Variants in SH3GL2 observed in about 807,000 individuals in gnomAD.
SH3GL2 encodes endophilin-A1.
In SH3GL2, 24 loss-of-function variants were observed where a neutral mutation model predicts 46.0. The ratio of observed to expected loss-of-function variants is 0.52; its 90% CI spans 0.38 to 0.73. SH3GL2 has a LOEUF of 0.73. Among genes scored for constraint, SH3GL2 ranks in the 30% least tolerant of loss-of-function variants. SH3GL2 has a pLI of 0.00. For synonymous variants in SH3GL2, 196 were observed against 147.1 expected (o/e 1.33, Z -2.40); for missense variants, 413 against 424.2 (o/e 0.97, Z 0.23).
chr9:17,736,760 A>C (rs780999017), intron 1 of SH3GL2, among the ~76,000 whole-genome samples: 7 of 152,224 alleles, frequency 4.6e-5, no homozygotes, highest in Admixed American at 2.0e-4. Context: ...CCTTGAATGG[A>C]TGGAAAAAAA....
At chr9:17,760,925 C>T (rs1823151705) in intron 2 of SH3GL2, among the ~76,000 whole-genome samples, 1 of 152,092 alleles carries the variant, frequency 6.6e-6, no homozygotes, top group Admixed American at 6.6e-5. Flanking sequence ...ACTCTAGCAT[C>T]AAGATTTTTG....
At chr9:17,757,558 G>A (rs1001226010) in intron 2 of SH3GL2, among the ~76,000 whole-genome samples, 1 of 152,160 alleles carries the variant, frequency 6.6e-6, no homozygotes, top group Non-Finnish European at 1.5e-5. Context: ...CCAATCCCAG[G>A]CAAGGTTAGT....
At chr9:17,608,278 T>C (rs960910203) in intron 1 of SH3GL2, among the ~76,000 whole-genome samples, 1 of 151,498 alleles carries the variant, frequency 6.6e-6, no homozygotes, top group East Asian at 2.0e-4. Flanking sequence ...CTCCCGAGTA[T>C]CTGGGACTAC....
At chr9:17,731,317 T>C (rs1213659588) in intron 1 of SH3GL2, among the ~76,000 whole-genome samples, 1 of 150,540 alleles carries the variant, frequency 6.6e-6, no homozygotes, top group Non-Finnish European at 1.5e-5. Context: ...CCTTGGGAGG[T>C]GTTTAAAGTT....
At chr9:17,681,164 G>C (rs1043538155) in intron 1 of SH3GL2, among the ~76,000 whole-genome samples, 1 of 152,072 alleles carries the variant, frequency 6.6e-6, no homozygotes, top group Non-Finnish European at 1.5e-5. Context: ...GGAAAAAATA[G>C]GAAGAAGCTT....
At chr9:17,791,206 G>A (rs746571786) in intron 6 of SH3GL2, 25 bp from the exon 7 acceptor site, 1 of 1,546,240 alleles carries the variant, frequency 6.5e-7, no homozygotes, top group East Asian at 2.2e-5. Context: ...TAAAACTAAG[G>A]CATGATTTTC....
intron 1 of SH3GL2, among the ~76,000 whole-genome samples, chr9:17,698,314 A>G (rs1052175871): frequency 2.0e-5 from 3 of 152,170 alleles, no homozygotes; most frequent in Non-Finnish European, 2.9e-5. Flanking sequence ...CCATATTGTC[A>G]GTGATTAGTG....
intron 1 of SH3GL2, among the ~76,000 whole-genome samples, chr9:17,665,511 T>C (rs1307202524): frequency 1.3e-5 from 2 of 152,178 alleles, no homozygotes; most frequent in African/African-American, 4.8e-5. Flanking sequence ...GTTTATTTGC[T>C]TATTTATTCA....
At chr9:17,615,064 A>G (rs1384528802) in intron 1 of SH3GL2, among the ~76,000 whole-genome samples, 1 of 152,092 alleles carries the variant, frequency 6.6e-6, no homozygotes, top group Non-Finnish European at 1.5e-5. Context: ...GACCCCTCCC[A>G]ACTGCTGTGG....
chr9:17,618,793 T>G (rs1021659192), intron 1 of SH3GL2, among the ~76,000 whole-genome samples: 12 of 149,484 alleles, frequency 8.0e-5, no homozygotes, highest in Non-Finnish European at 1.5e-4. Flanking sequence ...TTGGCTTATT[T>G]TGTGTGTGTG....
intron 1 of SH3GL2, among the ~76,000 whole-genome samples, chr9:17,598,524 C>T (rs530098438): frequency 3.3e-5 from 5 of 152,268 alleles, no homozygotes; most frequent in South Asian, 2.1e-4. Flanking sequence ...TGCAGAGTTG[C>T]GGGCCAAGGG....
intron 1 of SH3GL2, among the ~76,000 whole-genome samples, chr9:17,716,289 GC>G (rs1416093165): frequency 6.6e-6 from 1 of 152,064 alleles, no homozygotes; most frequent in Non-Finnish European, 1.5e-5. Context: ...GACTTAGGGG[GC>G]TGGATGTTTT....
chr9:17,707,522 G>T (rs1821502307), intron 1 of SH3GL2, among the ~76,000 whole-genome samples: 1 of 151,988 alleles, frequency 6.6e-6, no homozygotes, highest in African/African-American at 2.4e-5. Flanking sequence ...TTACTGTGCT[G>T]TACTAACTTT....
chr9:17,713,899 G>T (rs1472902194), intron 1 of SH3GL2, among the ~76,000 whole-genome samples: 3 of 151,640 alleles, frequency 2.0e-5, no homozygotes, highest in South Asian at 2.1e-4. Flanking sequence ...AGTCAGTGTG[G>T]TTGATAGGAT....
chr9:17,694,388 G>C (rs7858624), intron 1 of SH3GL2, among the ~76,000 whole-genome samples: 66,576 of 151,844 alleles, frequency 0.44, 14,943 homozygotes, highest in Admixed American at 0.58. Flanking sequence ...ATGCTAATAA[G>C]TAAGTGTTCT....
intron 1 of SH3GL2, among the ~76,000 whole-genome samples, chr9:17,677,753 A>G (rs1262820478): frequency 2.0e-5 from 3 of 152,000 alleles, no homozygotes; most frequent in Non-Finnish European, 4.4e-5. Context: ...TGCATTAGGT[A>G]TATCTCCTAA....
chr9:17,603,500 G>A (rs1394630886), intron 1 of SH3GL2, among the ~76,000 whole-genome samples: 1 of 152,154 alleles, frequency 6.6e-6, no homozygotes, highest in Admixed American at 6.6e-5. Flanking sequence ...TGTGTAACGG[G>A]TACAGAGTTT....
chr9:17,681,800 A>G (rs1820775582), intron 1 of SH3GL2, among the ~76,000 whole-genome samples: 1 of 152,158 alleles, frequency 6.6e-6, no homozygotes, highest in Non-Finnish European at 1.5e-5. Context: ...TTTGTAATCT[A>G]CCCATCTGCC....
At chr9:17,692,276 T>C (rs1821101181) in intron 1 of SH3GL2, among the ~76,000 whole-genome samples, 1 of 104,580 alleles carries the variant, frequency 9.6e-6, no homozygotes, top group South Asian at 3.1e-4. Context: ...GGTATTCTTA[T>C]TTGCTTTTTT....
Sources: allele counts gnomAD v4.1 joint callset (sites outside exome capture counted in the v4.1 genomes callset), GRCh38; gene constraint gnomAD v4.1.1; transcripts MANE v1.5; gene names NCBI Gene and HGNC (gene_info 2026-07-23, HGNC 2026-07-21).